The following RTEL1 variants were observed in gnomAD, a reference collection of about 807,000 sequenced individuals.
RTEL1 encodes regulator of telomere length.
Under a neutral mutation model 162.2 loss-of-function variants are expected in RTEL1, and 86 were observed. The ratio of observed to expected loss-of-function variants is 0.53; its 90% CI spans 0.45 to 0.63. The LOEUF (loss-of-function observed/expected upper bound fraction) is 0.63. Ranked by LOEUF, RTEL1 falls within the 30% of genes least tolerant of loss-of-function variation. RTEL1 has a pLI of 0.00. For synonymous variants in RTEL1, 958 were observed against 717.9 expected, an observed-to-expected ratio of 1.33 and a Z score of -5.35; for missense variants, 1,941 against 1,750.2, an observed-to-expected ratio of 1.11 and a Z score of -1.95.
rs573464868 is a variant in RTEL1, at chr20:63,678,909, C to T, written c.1037+563C>T. 1.1e-4 allele frequency among the ~76,000 whole-genome samples: 17 copies of T among 151,846 alleles called. No homozygotes were observed. The South Asian group carries it at 3.3e-3, about 30-fold the overall frequency. On this transcript the variant is annotated intron_variant, in intron 12 of 34. Coordinates refer to ENST00000360203, the MANE Select transcript of RTEL1 (RefSeq NM_001283009.2). ...CACACTCCCACAGACAGCACACACA[C>T]ACCCACGGAACAGCACACTCTCCCA...
intron 23 of RTEL1, 26 bp from the exon 24 acceptor site, chr20:63,689,724 C>G (rs199583107): frequency 1.7e-5 from 27 of 1,607,608 alleles, no homozygotes; most frequent in Non-Finnish European, 2.1e-5. Flanking sequence ...AGGGAGCCCC[C>G]GTGACCGAGC....
intron 30 of RTEL1, 72 bp from the exon 31 acceptor site, chr20:63,694,300 C>CGGG: frequency 3.6e-6 from 2 of 548,488 alleles, no homozygotes; most frequent in Non-Finnish European, 7.4e-6. Flanking sequence ...CCCTAGCCAG[C>CGGG]CCTGCCCCCC....
rs115464632 is a variant in RTEL1 at position 63,693,189 on chromosome 20, G to A, written c.2898G>A (p.Glu966=). 112 of 1,612,176 alleles carry A rather than the reference G, an allele frequency of 6.9e-5. 1 individual carries two copies. The East Asian group carries it at 2.2e-3, about 32-fold the overall frequency. The change falls in exon 30 of 35, where the codon GAG becomes GAA. Residue 966 remains glutamate, a synonymous_variant. Coordinates refer to ENST00000360203, the MANE Select transcript of RTEL1 (RefSeq NM_001283009.2). ...CCCACCATAAGCAGCAGTTTGAGGA[G>A]GTCTGTATCCAGCTGACAGGACGAG... ...VRPHHKQQFE[E]VCIQLTGRGC... is the part of the protein sequence containing the mutation.
intron 14 of RTEL1, chr20:63,682,734 T>A (rs1038499616): frequency 1.0e-6 from 1 of 967,988 alleles, no homozygotes; most frequent in African/African-American, 1.8e-5. Flanking sequence ...GGGGGCAGAG[T>A]GGGGCCAGTG....
At chr20:63,669,086 G>A (rs987935340) in intron 8 of RTEL1, among the ~76,000 whole-genome samples, 3 of 152,130 alleles carry the variant, frequency 2.0e-5, no homozygotes, top group Non-Finnish European at 2.9e-5. Flanking sequence ...AGGTTCTAGC[G>A]ATTCTCCCAC....
intron 10 of RTEL1, among the ~76,000 whole-genome samples, chr20:63,674,762 C>T (rs1277099373): frequency 6.6e-6 from 1 of 152,026 alleles, no homozygotes; most frequent in Non-Finnish European, 1.5e-5. Context: ...TTAAATGACC[C>T]ACAAATCTGG....
rs144864418 is a variant in RTEL1, at chr20:63,686,960, T to TG, written c.1349-674dup. The TG allele has an allele frequency of 8.2e-3, 1,276 of 155,104 alleles. 18 individuals are homozygous for TG. Among genetic ancestry groups the TG allele is most frequent in the African/African-American group, 0.029 (1,218 of 41,520 alleles). The allele number at this position is 155,104 out of a possible 1,614,324, so 9.6% of individuals were successfully genotyped here. On this transcript the variant is annotated intron_variant, in intron 16 of 34. Coordinates refer to ENST00000360203, the MANE Select transcript of RTEL1 (RefSeq NM_001283009.2). ...GGAAATGAGCTCCTGGAGGAGGGGG[T>TG]GGGGAAGTTCCCCCATTGCAGGGCA... is the stretch of plus-strand genomic sequence containing the variant.
At chr20:63,667,681 C>CT (rs2090163835) in intron 8 of RTEL1, 128 bp downstream of exon 8, 1 of 758,932 alleles carries the variant, frequency 1.3e-6, no homozygotes, top group Non-Finnish European at 2.3e-6. Flanking sequence ...GGACTCACCT[C>CT]TGTCACTGGG....
rs2090012606 is a variant in RTEL1, at chr20:63,661,163, G to A, written c.103-135G>A. The A allele has an allele frequency of 7.8e-6, 6 of 764,664 alleles. No homozygotes were observed. Among genetic ancestry groups the A allele is most frequent in the Non-Finnish European group, 1.3e-5 (6 of 476,570 alleles). 47.4% of individuals were successfully genotyped at this position (764,664 alleles called of 1,614,324 possible). Reference sequence around the variant, plus strand: ...TGTGGACTTCTCCGCGGTCCCACAGGGCTCTCGCCACCTGGCAGTGGCCTC... The same window carrying A: ...TGTGGACTTCTCCGCGGTCCCACAGAGCTCTCGCCACCTGGCAGTGGCCTC... On this transcript the variant is annotated intron_variant, in intron 2 of 34. Transcript: ENST00000360203. The surrounding 1 kb of genome is among the most constrained non-coding windows in gnomAD (Gnocchi z 5.1).
chr20:63,669,529 A>G (rs1017378629), intron 8 of RTEL1, among the ~76,000 whole-genome samples: 1 of 152,212 alleles, frequency 6.6e-6, no homozygotes, highest in South Asian at 2.1e-4. Flanking sequence ...GACTTAAAAA[A>G]TTTTTTCAGC....
chr20:63,665,959 A>G, intron 6 of RTEL1, 45 bp from the exon 7 acceptor site: 1 of 1,582,178 alleles, frequency 6.3e-7, no homozygotes, highest in Non-Finnish European at 8.7e-7. Context: ...TCTGGGACTT[A>G]GTGGACCCTG....
At chr20:63,693,359 G>C (rs1601185521) in intron 30 of RTEL1, 76 bp downstream of exon 30, 3 of 1,573,848 alleles carry the variant, frequency 1.9e-6, no homozygotes, top group East Asian at 2.3e-5. Flanking sequence ...GGCTGCTTGG[G>C]GTGGGCATCC....
chr20:63,658,220 T>C (rs2089947843), upstream of RTEL1: 1 of 152,242 alleles, frequency 6.6e-6, no homozygotes, highest in South Asian at 2.1e-4. Context: ...AAACGCCGTG[T>C]AGGCCTGGAG....
rs2090701644 is a variant in RTEL1 at position 63,690,224 on chromosome 20, C to T, written c.2265+14C>T. The T allele has an allele frequency of 1.2e-6, 2 of 1,611,386 alleles. No homozygotes were observed. Among genetic ancestry groups the T allele is most frequent in the African/African-American group, 1.3e-5 (1 of 74,914 alleles). On this transcript the variant is annotated intron_variant, in intron 25 of 34. Transcript: ENST00000360203. ...GCCGAGCGAACTGTGAGTTCCTGCC[C>T]AGGGAGGGGATGAGGGTGTTGTCCC...
chr20:63,682,753 A>C (rs2090504844), intron 14 of RTEL1: 1 of 922,632 alleles, frequency 1.1e-6, no homozygotes, highest in Admixed American at 6.2e-5. Flanking sequence ...TGGCCCCAGG[A>C]AGAGGATGTG....
intron 30 of RTEL1, among the ~76,000 whole-genome samples, 159 bp downstream of exon 30, chr20:63,693,442 CCAG>C (rs1261106601): frequency 2.1e-5 from 3 of 142,838 alleles, no homozygotes; most frequent in African/African-American, 7.9e-5. Flanking sequence ...ACCACCAGCA[CCAG>C]CAGCACCACC....
At position 63,695,992 on chromosome 20, in the gene RTEL1, GGCGGGGCCCATGGTTGGTCCCT is replaced by G. The variant is rs2090970934; in HGVS notation, c.*139_*160del. 3 of 876,482 alleles carry G rather than the reference GGCGGGGCCCATGGTTGGTCCCT, an allele frequency of 3.4e-6. No individual in the cohort carries two copies. In the African/African-American group the frequency reaches 5.0e-5, roughly 15 times the overall value. The allele number at this position is 876,482 out of a possible 1,614,324, so 54.3% of individuals were successfully genotyped here. On this transcript the variant is annotated 3_prime_UTR_variant, in exon 35 of 35. Transcript: ENST00000360203. ...CTTGGCCCGCTGCAGGCCTCAGGCAGGCGGGGCCCATGGTTGGTCCCTGCGGTGGGACCGGATCTGGGCCTGC... is the reference window on the plus strand; with the variant it reads ...CTTGGCCCGCTGCAGGCCTCAGGCAGGCGGTGGGACCGGATCTGGGCCTGC...
intron 8 of RTEL1, among the ~76,000 whole-genome samples, chr20:63,672,285 C>T (rs760907237): frequency 6.6e-5 from 10 of 152,240 alleles, no homozygotes; most frequent in Non-Finnish European, 1.3e-4. Flanking sequence ...CTGCGGTGGC[C>T]GGGGGCTCCC....
Position 63,694,403 on chromosome 20 carries a change from G to C in RTEL1, c.3024G>C (p.Val1008=), listed in dbSNP as rs2090912920. 2.5e-6 allele frequency: 4 copies of C among 1,612,352 alleles called. No homozygotes were observed. Among genetic ancestry groups the C allele is most frequent in the Non-Finnish European group, 3.4e-6 (4 of 1,179,654 alleles). Residue 1008 remains valine, a synonymous_variant, in exon 31 of 35, where the codon GTG becomes GTC. Coordinates refer to ENST00000360203, the MANE Select transcript of RTEL1 (RefSeq NM_001283009.2). ...GRTAPDPKLT[V]STAAAQQLDP... is the part of the protein sequence containing the mutation. ...CGGCGCCGGATCCCAAGCTGACCGT[G>C]TCCACGGCTGCAGCCCAGCAGCTGG... is the stretch of plus-strand genomic sequence containing the variant.
Sources: allele counts gnomAD v4.1 joint callset (sites outside exome capture counted in the v4.1 genomes callset), GRCh38; gene constraint gnomAD v4.1.1; non-coding constraint Gnocchi (gnomAD v3.1); transcripts MANE v1.5; gene names NCBI Gene and HGNC (gene_info 2026-07-23, HGNC 2026-07-21).